The following RUFY4 variants were observed in gnomAD, a reference collection of about 807,000 sequenced individuals.
RUFY4 encodes the protein RUN and FYVE domain-containing protein 4.
Under a neutral mutation model 69.0 loss-of-function variants are expected in RUFY4, and 73 were observed. The observed-to-expected ratio is 1.06, with a 90% CI of 0.88 to 1.29. The LOEUF (loss-of-function observed/expected upper bound fraction) is 1.29. RUFY4 is among the 50% of genes most tolerant of loss of function. The probability of loss-of-function intolerance (pLI) is 0.00; values close to 1 mark genes in which losing one functional copy is unlikely to be tolerated. For missense variants in RUFY4, 770 were observed against 705.6 expected, an observed-to-expected ratio of 1.09 and a Z score of -1.03; for synonymous variants, 287 against 271.8, an observed-to-expected ratio of 1.06 and a Z score of -0.55.
At chr2:218,089,042 C>T (rs887952797) in intron 9 of RUFY4, among the ~76,000 whole-genome samples, 5 of 151,836 alleles carry the variant, frequency 3.3e-5, no homozygotes, top group African/African-American at 1.2e-4. Context: ...TCTCTATCTG[C>T]GTCTCTGCTC....
At chr2:218,052,713 T>C (rs1688972435) in intron 2 of RUFY4, among the ~76,000 whole-genome samples, 1 of 150,672 alleles carries the variant, frequency 6.6e-6, no homozygotes, top group Non-Finnish European at 1.5e-5. Context: ...CTGGGCATCA[T>C]AGCAAGACCT....
chr2:218,036,535 A>G (rs1246990820), intron 2 of RUFY4, among the ~76,000 whole-genome samples: 1 of 152,244 alleles, frequency 6.6e-6, no homozygotes, highest in South Asian at 2.1e-4. Flanking sequence ...GGATGCTGCT[A>G]AAGTCAGCCA....
chr2:218,081,049 A>ATAGTAAGTG (rs544083701), intron 8 of RUFY4, among the ~76,000 whole-genome samples: 191 of 152,368 alleles, frequency 1.3e-3, no homozygotes, highest in African/African-American at 4.0e-3. Context: ...GGCCTGGCAT[A>ATAGTAAGTG]TAGTAAGTGC....
At position 218,042,154 on chromosome 2, in the gene RUFY4, T is replaced by C. The variant is rs570446243; in HGVS notation, c.-1158+6760T>C. Among the ~76,000 whole-genome samples, 3 of 152,288 alleles carry C rather than the reference T, an allele frequency of 2.0e-5. No homozygotes were observed. In the South Asian group the frequency reaches 6.2e-4, roughly 32 times the overall value. ...ACCACATGAGAGACTACAACACACT[T>C]GGGATATAAAGGCAACGACAATCAG... is the stretch of plus-strand genomic sequence containing the variant. On this transcript the variant is annotated intron_variant and NMD_transcript_variant, in intron 2 of 13. Transcript: ENST00000457754.
exon 9 of RUFY4, chr2:218,083,138 G>A (rs773591162): frequency 1.9e-6 from 3 of 1,613,558 alleles, no homozygotes; most frequent in Non-Finnish European, 2.5e-6. Context: ...CGAGCTGCAG[G>A]CACAGCTGGA....
intron 3 of RUFY4, 75 bp from the exon 6 acceptor site, chr2:218,072,704 G>C (rs1689517791): frequency 5.3e-6 from 7 of 1,325,726 alleles, no homozygotes; most frequent in Non-Finnish European, 7.1e-6. Flanking sequence ...AGCACTTCCA[G>C]TCCCCTCTCT....
intron 3 of RUFY4, among the ~76,000 whole-genome samples, chr2:218,064,054 C>T (rs1574503497): frequency 6.6e-6 from 1 of 152,340 alleles, no homozygotes; most frequent in Non-Finnish European, 1.5e-5. Flanking sequence ...TTCCATGAAC[C>T]CATAAGCACC....
intron 3 of RUFY4, chr2:218,060,756 A>G (rs1464510066): frequency 6.6e-7 from 1 of 1,518,794 alleles, no homozygotes; most frequent in South Asian, 1.1e-5. Flanking sequence ...TCGCAGCGGC[A>G]CGATGAAGCC....
intron 2 of RUFY4, among the ~76,000 whole-genome samples, chr2:218,050,897 T>C (rs1329507365): frequency 6.6e-6 from 1 of 152,218 alleles, no homozygotes; most frequent in Non-Finnish European, 1.5e-5. Flanking sequence ...GTAATCTAGG[T>C]AAAATTATTG....
chr2:218,072,465 T>C, exon 3 of RUFY4: 2 of 1,537,248 alleles, frequency 1.3e-6, no homozygotes, highest in Non-Finnish European at 1.7e-6. Context: ...CGGGGAAACA[T>C]GGAGCCAATC....
chr2:218,080,625 C>A (rs536499826), intron 8 of RUFY4, among the ~76,000 whole-genome samples: 1 of 152,286 alleles, frequency 6.6e-6, no homozygotes, highest in East Asian at 1.9e-4. Flanking sequence ...GACCTCAAGC[C>A]AAAGAAATTA....
chr2:218,090,465 G>C (rs1054326866), exon 11 of RUFY4: 124 of 200,858 alleles, frequency 6.2e-4, no homozygotes, highest in Middle Eastern at 4.3e-3. Flanking sequence ...GCACTATCTT[G>C]GACTCTCCAG....
At chr2:218,087,951 G>A (rs1689932233) in intron 9 of RUFY4, among the ~76,000 whole-genome samples, 1 of 152,168 alleles carries the variant, frequency 6.6e-6, no homozygotes, top group Non-Finnish European at 1.5e-5. Context: ...ATATCAAAAG[G>A]AGGAGCTCTA....
chr2:218,082,481 G>A (rs114575647), intron 8 of RUFY4, among the ~76,000 whole-genome samples: 81 of 152,278 alleles, frequency 5.3e-4, no homozygotes, highest in African/African-American at 1.8e-3. Flanking sequence ...GGAAATGTTG[G>A]CTCATCCCCT....
intron 10 of RUFY4, chr2:218,089,591 T>C (rs1689981239): frequency 1.5e-6 from 1 of 672,596 alleles, no homozygotes; most frequent in Non-Finnish European, 2.7e-6. Flanking sequence ...TGGGATTGGG[T>C]CCCCCTCCAA....
At chr2:218,064,900 C>A (rs1440922085), upstream of RUFY4, among the ~76,000 whole-genome samples, 1 of 152,050 alleles carries the variant, frequency 6.6e-6, no homozygotes, top group Non-Finnish European at 1.5e-5. Context: ...TGCAGGGAGC[C>A]CAGCCTTGAA....
Position 218,089,214 on chromosome 2 carries a change from T to C in RUFY4, c.1503-38T>C. On this transcript the variant is annotated intron_variant, in intron 9 of 10. Transcript: ENST00000344321. Reference sequence around the variant, plus strand: ...TCCCATTTCTATCTTTTGATCTCTGTCTCTGTCTGTGTCTCTCCACCTTCA... The same window carrying C: ...TCCCATTTCTATCTTTTGATCTCTGCCTCTGTCTGTGTCTCTCCACCTTCA... 6 of 1,518,624 alleles carry C rather than the reference T, an allele frequency of 4.0e-6. No homozygotes were observed. The South Asian group carries it at 6.9e-5, about 17-fold the overall frequency. 94.1% of individuals were successfully genotyped at this position (1,518,624 alleles called of 1,614,324 possible).
At chr2:218,089,836 G>A (rs768503610) in intron 10 of RUFY4, 116 bp from the exon 13 acceptor site, 2 of 785,320 alleles carry the variant, frequency 2.5e-6, no homozygotes, top group Non-Finnish European at 4.5e-6. Flanking sequence ...ACTGGGAGAT[G>A]AGAAACAGAT....
chr2:218,083,240 G>C, exon 9 of RUFY4: 1 of 1,607,680 alleles, frequency 6.2e-7, no homozygotes, highest in Non-Finnish European at 8.5e-7. Context: ...GAAGAGGCGG[G>C]TGTTGGAACT....
Sources: allele counts gnomAD v4.1 joint callset (sites outside exome capture counted in the v4.1 genomes callset), GRCh38; gene constraint gnomAD v4.1.1; transcripts MANE v1.5; gene names NCBI Gene and HGNC (gene_info 2026-07-23, HGNC 2026-07-21).